SLCO1B1: variants seen among roughly 807,000 people sequenced by gnomAD.
SLCO1B1 encodes the protein solute carrier organic anion transporter family member 1B1, also known as OATP-2.
A neutral mutation model predicts 70.1 loss-of-function variants in SLCO1B1; 81 were observed. The observed-to-expected ratio is 1.16, with a 90% confidence interval of 0.97 to 1.39. The LOEUF (loss-of-function observed/expected upper bound fraction) is 1.39. Among genes scored for constraint, SLCO1B1 ranks in the 40% most tolerant of loss-of-function variants. The pLI is 0.00. For missense variants in SLCO1B1, 895 were observed against 799.6 expected, an observed-to-expected ratio of 1.12 and a Z score of -1.44; for synonymous variants, 283 against 271.5, an observed-to-expected ratio of 1.04 and a Z score of -0.42.
At chr12:21,168,536 A>G (rs1940719602) in intron 2 of SLCO1B1, among the ~76,000 whole-genome samples, 1 of 152,138 alleles carries the variant, frequency 6.6e-6, no homozygotes, top group African/African-American at 2.4e-5. Flanking sequence ...GAAGTTCCTA[A>G]CTTCTCTTAC....
At chr12:21,195,971 TA>T (rs1565679090) in intron 7 of SLCO1B1, among the ~76,000 whole-genome samples, 2 of 152,198 alleles carry the variant, frequency 1.3e-5, no homozygotes, top group African/African-American at 4.8e-5. Flanking sequence ...AGCCAGGGAA[TA>T]GAGCTATTGC....
chr12:21,171,359 A>C (rs1341278594), intron 2 of SLCO1B1, among the ~76,000 whole-genome samples: 1 of 152,212 alleles, frequency 6.6e-6, no homozygotes, highest in East Asian at 1.9e-4. Context: ...TAAGATTAGA[A>C]AGATAAAGAG....
At chr12:21,177,346 A>T (rs1054642883) in intron 5 of SLCO1B1, among the ~76,000 whole-genome samples, 33 of 152,318 alleles carry the variant, frequency 2.2e-4, no homozygotes, top group Admixed American at 2.0e-3. Context: ...TATATGCATT[A>T]AAGTAAAACA....
At position 21,222,170 on chromosome 12, in the gene SLCO1B1, A is replaced by G. The variant is rs956103992; in HGVS notation, c.1683-130A>G. ...TTTAAAACAATTAAAATATAATTTT[A>G]TATAATGGGGCCATTCAACTGTGAG... On this transcript the variant is annotated intron_variant, in intron 12 of 14. Coordinates refer to ENST00000256958, the MANE Select transcript of SLCO1B1 (RefSeq NM_006446.5). The G allele has an allele frequency of 4.1e-5, 12 of 295,142 alleles. No individual in the cohort carries two copies. In the East Asian group the frequency reaches 4.2e-4, roughly 10 times the overall value. The allele number at this position is 295,142 out of a possible 1,614,324, so 18.3% of individuals were successfully genotyped here.
chr12:21,236,916 C>A lies in SLCO1B1; in HGVS notation c.1866-2063C>A, dbSNP rs1227185791. Among the ~76,000 whole-genome samples the A allele has an allele frequency of 5.6e-5, 7 of 124,758 alleles. No homozygotes were observed. In the South Asian group the frequency reaches 1.3e-3, roughly 23 times the overall value. 81.8% of individuals were successfully genotyped at this position (124,758 alleles called of 152,430 possible). A position where few individuals can be genotyped will look rare whatever the true frequency, so the allele number is the denominator to read the frequency against. On this transcript the variant is annotated intron_variant, in intron 14 of 14. Coordinates refer to ENST00000256958, the MANE Select transcript of SLCO1B1 (RefSeq NM_006446.5). ...TCCATCTAATTACTTTTAATCTATA[C>A]ATCTATAAGTAGATCTCTTAGAGAC...
chr12:21,229,713 C>T (rs1941514638), intron 14 of SLCO1B1, among the ~76,000 whole-genome samples: 1 of 152,142 alleles, frequency 6.6e-6, no homozygotes, highest in Non-Finnish European at 1.5e-5. Context: ...ACCCTGGATC[C>T]TGTGTCCTGA....
chr12:21,220,140 T>C (rs1378424711), intron 12 of SLCO1B1, among the ~76,000 whole-genome samples: 1 of 152,202 alleles, frequency 6.6e-6, no homozygotes, highest in East Asian at 1.9e-4. Flanking sequence ...AATTTAAGGA[T>C]AATCCCAAAG....
rs1159011720 is a variant in SLCO1B1, at chr12:21,196,992, G to A, written c.774G>A (p.Trp258Ter). Residue 258 changes from tryptophan to a stop codon, truncating the protein, a stop_gained, in exon 8 of 15, where the codon TGG becomes TGA. Transcript: ENST00000256958. LOFTEE classifies it high-confidence loss of function. The stretch of plus-strand genomic sequence containing the variant: ...CTGATTCTCGATGGGTTGGAGCTTG[G>A]TGGCTTAATTTCCTTGTGTCTGGAC... ...TPTDSRWVGAWWLNFLVSGLF... is the reference protein window; with the variant it reads ...TPTDSRWVGA 1.2e-6 allele frequency: 2 copies of A among 1,613,366 alleles called. No individual in the cohort carries two copies. Among genetic ancestry groups the A allele is most frequent in the African/African-American group, 2.7e-5 (2 of 74,846 alleles).
chr12:21,224,769 TGTA>T lies in SLCO1B1; in HGVS notation c.1796_1798del (p.Cys599_Ile600delinsLeu). 6.2e-7 allele frequency: 1 copy of T among 1,612,342 alleles called. No individual in the cohort carries two copies. Among genetic ancestry groups the T allele is most frequent in the Non-Finnish European group, 8.5e-7 (1 of 1,179,012 alleles). The stretch of plus-strand genomic sequence containing the variant: ...TTTTGGGGCTCTGATTGATACAACG[TGTA>T]TAAAGTGGTCCACCAACAACTGTGG... On this transcript the variant is annotated inframe_deletion, in exon 14 of 15. Coordinates refer to ENST00000256958, the MANE Select transcript of SLCO1B1 (RefSeq NM_006446.5).
intron 8 of SLCO1B1, among the ~76,000 whole-genome samples, chr12:21,199,718 T>C (rs1013247177): frequency 3.3e-5 from 5 of 152,132 alleles, no homozygotes; most frequent in Non-Finnish European, 7.4e-5. Context: ...ATAATACTTA[T>C]ATCATTAAGT....
chr12:21,191,896 T>G (rs930918434), intron 7 of SLCO1B1, among the ~76,000 whole-genome samples: 2 of 152,142 alleles, frequency 1.3e-5, no homozygotes, highest in African/African-American at 4.8e-5. Context: ...GATTTTGTCC[T>G]TTTTTTGTTA....
intron 7 of SLCO1B1, among the ~76,000 whole-genome samples, chr12:21,192,145 T>C (rs1315965782): frequency 6.6e-6 from 1 of 152,034 alleles, no homozygotes; most frequent in East Asian, 1.9e-4. Context: ...TTGAAGATGT[T>C]CTCTTCTCTT....
At chr12:21,176,976 C>T in intron 5 of SLCO1B1, 79 bp downstream of exon 5, 1 of 1,100,402 alleles carries the variant, frequency 9.1e-7, no homozygotes, top group East Asian at 2.4e-5. Context: ...TTGTGATATT[C>T]ATTAGCAAAA....
intron 11 of SLCO1B1, among the ~76,000 whole-genome samples, chr12:21,214,661 C>T (rs1470312888): frequency 6.6e-6 from 1 of 151,544 alleles, no homozygotes; most frequent in Non-Finnish European, 1.5e-5. Context: ...CCTCCCCCAG[C>T]CTCGCTGCCG....
At chr12:21,236,083 T>A (rs1941593524) in intron 14 of SLCO1B1, among the ~76,000 whole-genome samples, 1 of 152,124 alleles carries the variant, frequency 6.6e-6, no homozygotes, top group Non-Finnish European at 1.5e-5. Flanking sequence ...TTGTATAGTA[T>A]CTCATACACT....
At chr12:21,201,053 G>T (rs1454020084) in intron 9 of SLCO1B1, among the ~76,000 whole-genome samples, 1 of 151,940 alleles carries the variant, frequency 6.6e-6, no homozygotes, top group South Asian at 2.1e-4. Context: ...ACAAAAATAT[G>T]ACACTAATAG....
chr12:21,199,799 T>A (rs1478665996), intron 8 of SLCO1B1, among the ~76,000 whole-genome samples: 3 of 152,004 alleles, frequency 2.0e-5, no homozygotes, highest in Admixed American at 6.6e-5. Flanking sequence ...TTTTGTTTGT[T>A]TGTTTGTTTG....
intron 11 of SLCO1B1, among the ~76,000 whole-genome samples, chr12:21,216,827 A>G (rs1941363735): frequency 6.6e-6 from 1 of 152,174 alleles, no homozygotes; most frequent in Non-Finnish European, 1.5e-5. Context: ...AAGAGAATCT[A>G]TAGTGATGAG....
rs751909252 is a variant in SLCO1B1 at position 21,224,782 on chromosome 12, C to T, written c.1808C>T (p.Ser603Phe). The change falls in exon 14 of 15, where the codon TCC (serine) becomes TTC (phenylalanine). Residue 603 changes from serine (S) to phenylalanine (F), a missense_variant. Physicochemically the swap from Ser to Phe is radical, Grantham distance 155. Coordinates refer to ENST00000256958, the MANE Select transcript of SLCO1B1 (RefSeq NM_006446.5). ...ATTGATACAACGTGTATAAAGTGGT[C>T]CACCAACAACTGTGGCACACGTGGG... is the stretch of plus-strand genomic sequence containing the variant. ...ALIDTTCIKW[S>F]TNNCGTRGSC... is the part of the protein sequence containing the mutation. The T allele has an allele frequency of 1.2e-6, 2 of 1,611,656 alleles. No individual in the cohort carries two copies. Among genetic ancestry groups the T allele is most frequent in the Non-Finnish European group, 1.7e-6 (2 of 1,178,730 alleles).
Sources: gnomAD v4.1 joint callset for allele counts (sites outside exome capture counted in the v4.1 genomes callset) on GRCh38, gnomAD v4.1.1 for gene constraint, MANE v1.5 for transcripts, NCBI Gene and HGNC (gene_info 2026-07-23, HGNC 2026-07-21) for gene names.